Variants in AP3D1 observed in about 807,000 individuals in gnomAD.
AP3D1 encodes the protein AP-3 complex subunit delta-1.
A neutral mutation model predicts 147.6 loss-of-function variants in AP3D1; 51 were observed. The observed-to-expected ratio is 0.35, with a 90% CI of 0.28 to 0.44. The LOEUF is 0.44. Among genes scored for constraint, AP3D1 ranks in the 20% least tolerant of loss-of-function variants. The pLI, the probability that AP3D1 is intolerant of heterozygous loss-of-function variation, is 1.00. For synonymous variants in AP3D1, 760 were observed against 663.0 expected (o/e 1.15, Z -2.25); for missense variants, 1,421 against 1,624.2 (o/e 0.87, Z 2.15).
At chr19:2,124,141 G>T (rs79489051) in intron 9 of AP3D1, among the ~76,000 whole-genome samples, 8 of 152,350 alleles carry the variant, frequency 5.3e-5, no homozygotes, top group Admixed American at 2.0e-4. Flanking sequence ...GCAAACACTG[G>T]TTCACTCGCA....
At chr19:2,130,223 C>T (rs1178581754) in intron 6 of AP3D1, among the ~76,000 whole-genome samples, 185 bp downstream of exon 6, 1 of 152,188 alleles carries the variant, frequency 6.6e-6, no homozygotes, top group Non-Finnish European at 1.5e-5. Flanking sequence ...TTACTGCCCC[C>T]ACCACCAGCA....
rs539642104 is a variant in AP3D1 at position 2,138,424 on chromosome 19, C to T, written c.192+195G>A. On this transcript the variant is annotated intron_variant, in intron 2 of 31. Coordinates refer to ENST00000643116, the MANE Select transcript of AP3D1 (RefSeq NM_001261826.3). ...ACCACCAGGGCCTGTGGGTTGCCAC[C>T]CTCTGGCCTGTTTGCCAGCCATGTG... 6.3e-4 allele frequency among the ~76,000 whole-genome samples: 96 copies of T among 152,326 alleles called. 1 individual carries two copies. In the South Asian group the frequency reaches 0.019, roughly 31 times the overall value.
intron 21 of AP3D1, 31 bp from the exon 22 acceptor site, chr19:2,114,333 G>T (rs768949150): frequency 1.3e-6 from 2 of 1,577,428 alleles, no homozygotes; most frequent in Non-Finnish European, 1.7e-6. Context: ...CCACACATCA[G>T]CACCACTGGC....
chr19:2,129,769 G>C (rs961822402), intron 6 of AP3D1, among the ~76,000 whole-genome samples: 1 of 152,232 alleles, frequency 6.6e-6, no homozygotes, highest in Non-Finnish European at 1.5e-5. Flanking sequence ...TTCAGCATGA[G>C]GGCTCCAGAA....
At chr19:2,114,622 G>GGCCCCCCCCCCCCCCCCCCCCC in intron 21 of AP3D1, 126 bp downstream of exon 21, 1 of 665,752 alleles carries the variant, frequency 1.5e-6, no homozygotes, top group Non-Finnish European at 2.7e-6. Context: ...TCTGGGGAAG[G>GGCCCCCCCCCCCCCCCCCCCCC]CCCGCCCGCA....
chr19:2,157,656 G>A (rs112286900), intron 1 of AP3D1, among the ~76,000 whole-genome samples: 7 of 113,766 alleles, frequency 6.2e-5, no homozygotes, highest in Admixed American at 2.0e-4. Flanking sequence ...AACGTTAGTT[G>A]AAAAAAACAA....
At chr19:2,161,555 T>C (rs1378724890) in intron 1 of AP3D1, among the ~76,000 whole-genome samples, 1 of 152,120 alleles carries the variant, frequency 6.6e-6, no homozygotes, top group East Asian at 1.9e-4. Context: ...AAAATAAGTA[T>C]GTAGAGATGA....
At chr19:2,124,691 A>G (rs1832816475) in intron 9 of AP3D1, among the ~76,000 whole-genome samples, 1 of 152,220 alleles carries the variant, frequency 6.6e-6, no homozygotes, top group African/African-American at 2.4e-5. Context: ...CTGTAATCCC[A>G]GCGCTTTGGG....
In AP3D1 at chr19:2,112,678, A is replaced by G. The variant is rs868538023; in HGVS notation, c.2787+182T>C. The G allele has an allele frequency of 1.1e-4, 62 of 559,654 alleles. 1 individual carries two copies. In the Middle Eastern group the frequency reaches 1.4e-3, roughly 12 times the overall value. 34.7% of individuals were successfully genotyped at this position (559,654 alleles called of 1,614,324 possible). On this transcript the variant is annotated intron_variant, in intron 24 of 31. Coordinates refer to ENST00000643116, the MANE Select transcript of AP3D1 (RefSeq NM_001261826.3). ...TATGAGACTTATGAACCATGTGTGA[A>G]TAAGAAGGTTATTAAAAAAACACAA...
chr19:2,123,929 C>T lies in AP3D1; in HGVS notation c.857-50G>A, dbSNP rs75483641. 0.15 allele frequency: 225,647 copies of T among 1,551,226 alleles called. 17,998 individuals are homozygous for T. Among genetic ancestry groups the T allele is most frequent in the Non-Finnish European group, 0.16 (186,409 of 1,146,320 alleles). On this transcript the variant is annotated intron_variant, in intron 9 of 31. Coordinates refer to ENST00000643116, the MANE Select transcript of AP3D1 (RefSeq NM_001261826.3). Reference sequence around the variant, plus strand: ...CCACGGTCAGCACCATGGCCAGCGCCGACACCAACTCAGGGCCACGGGGCA... The same window carrying T: ...CCACGGTCAGCACCATGGCCAGCGCTGACACCAACTCAGGGCCACGGGGCA...
intron 17 of AP3D1, 125 bp downstream of exon 17, chr19:2,116,480 G>T: frequency 7.6e-7 from 1 of 1,308,804 alleles, no homozygotes; most frequent in Non-Finnish European, 1.0e-6. Flanking sequence ...CTGGGAGGCA[G>T]GGACGCCCAT....
intron 3 of AP3D1, 55 bp from the exon 4 acceptor site, chr19:2,137,146 C>T: frequency 1.4e-6 from 2 of 1,461,620 alleles, no homozygotes; most frequent in East Asian, 2.5e-5. Flanking sequence ...CCTCCAGGAG[C>T]TCCAGCTCTG....
At chr19:2,136,551 C>T (rs1222924477) in intron 4 of AP3D1, among the ~76,000 whole-genome samples, 1 of 152,198 alleles carries the variant, frequency 6.6e-6, no homozygotes, top group Non-Finnish European at 1.5e-5. Context: ...GCCTCCGTGA[C>T]CATTTCAAAA....
chr19:2,124,596 C>G (rs2018700804), intron 9 of AP3D1, among the ~76,000 whole-genome samples: 1 of 152,148 alleles, frequency 6.6e-6, no homozygotes, highest in African/African-American at 2.4e-5. Context: ...CATGTGTTTT[C>G]TTTTTAAGAC....
chr19:2,114,999 C>T (rs780911585), intron 20 of AP3D1, among the ~76,000 whole-genome samples, 178 bp from the exon 21 acceptor site: 3 of 152,214 alleles, frequency 2.0e-5, no homozygotes, highest in Admixed American at 6.5e-5. Context: ...GGCCCCAGGA[C>T]GCAGCCAACC....
chr19:2,164,419 C>T (rs2019829258), exon 1 of AP3D1: 1 of 464,668 alleles, frequency 2.2e-6, no homozygotes, highest in Non-Finnish European at 3.3e-6. Flanking sequence ...CGTTGCTTCC[C>T]GGCCGAGGGC....
chr19:2,114,915 G>A, intron 20 of AP3D1, 94 bp from the exon 21 acceptor site: 1 of 1,363,082 alleles, frequency 7.3e-7, no homozygotes, highest in South Asian at 1.2e-5. Context: ...GCCCATGCGG[G>A]CCACACGCAC....
At chr19:2,148,591 CG>C (rs2019424209) in intron 1 of AP3D1, among the ~76,000 whole-genome samples, 1 of 152,218 alleles carries the variant, frequency 6.6e-6, no homozygotes, top group Non-Finnish European at 1.5e-5. Context: ...CAGAAAACCG[CG>C]TGTCACTGCA....
chr19:2,139,294 C>T lies in AP3D1; in HGVS notation c.97-580G>A, dbSNP rs142070017. On this transcript the variant is annotated intron_variant, in intron 1 of 31. Transcript: ENST00000643116. ...CAGCATTCCGCTATACACGCCCCAC[C>T]GTTTGCCAACTCCTTGGTGGACGAA... is the stretch of plus-strand genomic sequence containing the variant. 5.5e-3 allele frequency among the ~76,000 whole-genome samples: 833 copies of T among 152,246 alleles called. 3 individuals are homozygous for T. The highest frequency in any genetic ancestry group is 7.7e-3 in the Admixed American group (117 of 15,270).
Sources: allele counts gnomAD v4.1 joint callset (sites outside exome capture counted in the v4.1 genomes callset), GRCh38; gene constraint gnomAD v4.1.1; transcripts MANE v1.5; gene names NCBI Gene and HGNC (gene_info 2026-07-23, HGNC 2026-07-21).